DPYD: variants seen among roughly 807,000 people sequenced by gnomAD.
DPYD encodes dihydropyrimidine dehydrogenase, also known as dihydropyrimidine dehydrogenase [NADP(+)].
DPYD carries 109 observed loss-of-function variants against 116.2 expected under a neutral mutation model. The ratio of observed to expected loss-of-function variants is 0.94; its 90% CI spans 0.80 to 1.10. DPYD has a LOEUF of 1.10. DPYD is among the 50% of genes least tolerant of loss of function. The pLI, the probability that DPYD is intolerant of heterozygous loss-of-function variation, is 0.00. For missense variants in DPYD, 1,302 were observed against 1,254.5 expected, an observed-to-expected ratio of 1.04 and a Z score of -0.57; for synonymous variants, 440 against 432.0, an observed-to-expected ratio of 1.02 and a Z score of -0.23.
chr1:97,872,857 C>T (rs1671727860), intron 2 of DPYD, among the ~76,000 whole-genome samples: 1 of 151,916 alleles, frequency 6.6e-6, no homozygotes, highest in African/African-American at 2.4e-5. Context: ...CAGTCTACGA[C>T]TTCAGCCATG....
intron 20 of DPYD, among the ~76,000 whole-genome samples, chr1:97,111,867 G>A (rs1651623924): frequency 6.6e-6 from 1 of 151,890 alleles, no homozygotes; most frequent in African/African-American, 2.4e-5. Flanking sequence ...ATTTTTACTA[G>A]GTTTTTGACT....
intron 4 of DPYD, among the ~76,000 whole-genome samples, chr1:97,723,898 G>A (rs74868099): frequency 0.013 from 2,006 of 151,656 alleles, 21 homozygotes; most frequent in Middle Eastern, 0.024. Flanking sequence ...GGCTTAATCG[G>A]TGAATTGTAT....
chr1:97,403,355 C>T (rs918252218), intron 14 of DPYD, among the ~76,000 whole-genome samples: 5 of 152,092 alleles, frequency 3.3e-5, no homozygotes, highest in East Asian at 3.9e-4. Context: ...TTGAGACTAT[C>T]GGTATTCCCT....
chr1:97,362,105 G>C (rs1389400012), intron 16 of DPYD, among the ~76,000 whole-genome samples: 1 of 152,196 alleles, frequency 6.6e-6, no homozygotes, highest in African/African-American at 2.4e-5. Flanking sequence ...CTTCAGCAAA[G>C]TCTCAGGATA....
At chr1:97,520,663 C>T (rs1396883058) in intron 12 of DPYD, among the ~76,000 whole-genome samples, 1 of 149,328 alleles carries the variant, frequency 6.7e-6, no homozygotes, top group Non-Finnish European at 1.5e-5. Flanking sequence ...GTGTGATGTT[C>T]CCCTCCCTGT....
At chr1:97,329,260 A>G (rs1268414946) in intron 16 of DPYD, among the ~76,000 whole-genome samples, 1 of 152,188 alleles carries the variant, frequency 6.6e-6, no homozygotes, top group Non-Finnish European at 1.5e-5. Flanking sequence ...GATGTCACTA[A>G]CTTTGAATTA....
chr1:97,451,154 T>G (rs1676392409), intron 13 of DPYD, among the ~76,000 whole-genome samples: 1 of 152,122 alleles, frequency 6.6e-6, no homozygotes, highest in African/African-American at 2.4e-5. Flanking sequence ...TTTACATATT[T>G]TAATTAAGAA....
intron 19 of DPYD, among the ~76,000 whole-genome samples, chr1:97,216,664 G>A (rs1431896660): frequency 1.3e-5 from 2 of 151,704 alleles, no homozygotes; most frequent in African/African-American, 2.4e-5. Context: ...ATGTGGTGGC[G>A]GGCACCTGTA....
At chr1:97,564,860 T>C (rs1652405446) in intron 11 of DPYD, among the ~76,000 whole-genome samples, 1 of 152,158 alleles carries the variant, frequency 6.6e-6, no homozygotes, top group South Asian at 2.1e-4. Context: ...TTCCAGGCCA[T>C]CTTTCCCAAA....
chr1:97,255,155 CA>C (rs1486629782), intron 18 of DPYD, among the ~76,000 whole-genome samples: 7 of 152,224 alleles, frequency 4.6e-5, no homozygotes, highest in African/African-American at 1.4e-4. Flanking sequence ...TTTATGTCCC[CA>C]CTTATTAGAG....
intron 20 of DPYD, among the ~76,000 whole-genome samples, chr1:97,184,040 A>C (rs937291648): frequency 6.6e-6 from 1 of 152,036 alleles, no homozygotes; most frequent in Non-Finnish European, 1.5e-5. Context: ...TTCCTGCATT[A>C]GTTTGCTAAA....
In DPYD at chr1:97,555,771, A is replaced by G. The variant is rs560333056; in HGVS notation, c.1340-6027T>C. ...CCACTAAGGAACTCTCCCTACTATC[A>G]GAAGCCATTCTCTCCACATGGGCCC... On this transcript the variant is annotated intron_variant, in intron 11 of 22. Coordinates refer to ENST00000370192, the MANE Select transcript of DPYD (RefSeq NM_000110.4). 4.6e-4 allele frequency among the ~76,000 whole-genome samples: 70 copies of G among 152,194 alleles called. No individual in the cohort carries two copies. The Middle Eastern group carries it at 0.014, about 30-fold the overall frequency.
chr1:97,187,252 A>G (rs1308114766), intron 20 of DPYD, among the ~76,000 whole-genome samples: 1 of 151,852 alleles, frequency 6.6e-6, no homozygotes, highest in Non-Finnish European at 1.5e-5. Context: ...TTATTTTTTG[A>G]CTTTTTAGTA....
intron 3 of DPYD, among the ~76,000 whole-genome samples, chr1:97,819,645 T>C (rs990962894): frequency 1.3e-4 from 20 of 152,058 alleles, no homozygotes; most frequent in African/African-American, 4.3e-4. Context: ...CACTTTGATT[T>C]TTCCCTCATA....
intron 18 of DPYD, among the ~76,000 whole-genome samples, chr1:97,246,058 G>T (rs1022646847): frequency 1.3e-5 from 2 of 152,062 alleles, no homozygotes; most frequent in Non-Finnish European, 2.9e-5. Context: ...TGTGGACAAG[G>T]ACATCTCTAC....
chr1:97,258,082 A>G (rs1663626859), intron 18 of DPYD, among the ~76,000 whole-genome samples: 2 of 152,114 alleles, frequency 1.3e-5, no homozygotes, highest in African/African-American at 4.8e-5. Context: ...CTGGAATGTT[A>G]GGTGTGTCGT....
At chr1:97,088,897 C>T (rs568845946) in intron 21 of DPYD, among the ~76,000 whole-genome samples, 5 of 152,296 alleles carry the variant, frequency 3.3e-5, no homozygotes, top group African/African-American at 1.2e-4. Context: ...TAACCTTGTT[C>T]CCAGCCCATT....
chr1:97,586,182 AT>A (rs1654082272), intron 10 of DPYD: 1 of 152,460 alleles, frequency 6.6e-6, no homozygotes, highest in Non-Finnish European at 1.5e-5. Flanking sequence ...CAAGGTGGTT[AT>A]TAGGTTGGAA....
intron 6 of DPYD, among the ~76,000 whole-genome samples, chr1:97,695,597 A>T (rs1661251319): frequency 6.6e-6 from 1 of 151,484 alleles, no homozygotes; most frequent in South Asian, 2.1e-4. Flanking sequence ...TGATCGATAT[A>T]TATATATACT....
Sources: gnomAD v4.1 joint callset for allele counts (sites outside exome capture counted in the v4.1 genomes callset) on GRCh38, gnomAD v4.1.1 for gene constraint, MANE v1.5 for transcripts, NCBI Gene and HGNC (gene_info 2026-07-23, HGNC 2026-07-21) for gene names.